Variants in TIPARP observed in about 807,000 individuals in gnomAD.
TIPARP encodes the protein TCDD inducible poly(ADP-ribose) polymerase.
TIPARP carries 12 observed loss-of-function variants against 56.5 expected under a neutral mutation model. The ratio of observed to expected loss-of-function variants is 0.21; its 90% CI spans 0.14 to 0.34. The LOEUF is 0.34. TIPARP is among the 10% of genes least tolerant of loss of function. TIPARP has a pLI of 1.00. For synonymous variants in TIPARP, 296 were observed against 265.7 expected, an observed-to-expected ratio of 1.11 and a Z score of -1.11; for missense variants, 604 against 781.6, an observed-to-expected ratio of 0.77 and a Z score of 2.71.
chr3:156,678,526 A>C lies in TIPARP; in HGVS notation c.829A>C (p.Lys277Gln). The C allele has an allele frequency of 3.1e-6, 5 of 1,614,228 alleles. No homozygotes were observed. The highest frequency in any genetic ancestry group is 4.2e-6 in the Non-Finnish European group (5 of 1,180,036). ...HWQIKRTTTQ[K>Q]WQSVFNDSQE... Reference sequence around the variant, plus strand: ...GCAGATCAAAAGGACAACTACTCAAAAGTGGCAGAGTGTATTCAATGATTC... The same window carrying C: ...GCAGATCAAAAGGACAACTACTCAACAGTGGCAGAGTGTATTCAATGATTC... Residue 277 changes from lysine (K) to glutamine (Q), a missense_variant, in exon 2 of 6, where the codon AAG becomes CAG. Lys to Gln is a moderately conservative substitution (Grantham distance 53). Around this residue, in one of 4 missense-constraint regions of TIPARP, gnomAD observed 252 missense variants for 303.9 expected, o/e 0.83. Transcript: ENST00000295924.
chr3:156,705,699 A>G lies in TIPARP; in HGVS notation c.*568A>G, dbSNP rs1204740815. 6.6e-6 allele frequency: 1 copy of G among 152,660 alleles called. No homozygotes were observed. The highest frequency in any genetic ancestry group is 1.5e-5 in the Non-Finnish European group (1 of 68,036). 9.5% of individuals were successfully genotyped at this position (152,660 alleles called of 1,614,324 possible). A position where few individuals can be genotyped will look rare whatever the true frequency, so the allele number is the denominator to read the frequency against. On this transcript the variant is annotated 3_prime_UTR_variant, in exon 6 of 6. Coordinates refer to ENST00000295924, the MANE Select transcript of TIPARP (RefSeq NM_015508.5). ...ATCAGCCAACCAGAGAACATCAGTG[A>G]CTTTAACTTCTGCAGAGTTTGCCCC...
chr3:156,681,032 A>G, intron 2 of TIPARP: 2 of 416,662 alleles, frequency 4.8e-6, no homozygotes, highest in Non-Finnish European at 9.6e-6. Context: ...GTAGATAGCT[A>G]AGTGTCAAAA....
chr3:156,689,663 A>G (rs1245111659), intron 2 of TIPARP, among the ~76,000 whole-genome samples: 2 of 152,238 alleles, frequency 1.3e-5, no homozygotes, highest in African/African-American at 2.4e-5. Flanking sequence ...GCCCAAGCCA[A>G]CTTATCCAGT....
intron 4 of TIPARP, among the ~76,000 whole-genome samples, chr3:156,698,626 T>C (rs1722776981): frequency 6.6e-6 from 1 of 152,216 alleles, no homozygotes; most frequent in South Asian, 2.1e-4. Flanking sequence ...TTTCAAACTA[T>C]TACTGCTCAT....
chr3:156,681,776 A>T (rs1722314667), intron 2 of TIPARP, among the ~76,000 whole-genome samples: 1 of 152,144 alleles, frequency 6.6e-6, no homozygotes, highest in Non-Finnish European at 1.5e-5. Context: ...GCTTTTGTAC[A>T]TCTACAAACG....
chr3:156,678,294 T>C lies in TIPARP; in HGVS notation c.597T>C (p.Ile199=). 6.2e-7 allele frequency: 1 copy of C among 1,614,178 alleles called. No homozygotes were observed. Among genetic ancestry groups the C allele is most frequent in the Non-Finnish European group, 8.5e-7 (1 of 1,180,034 alleles). The change falls in exon 2 of 6, where the codon ATT becomes ATC. Residue 199 remains isoleucine (I), a synonymous_variant. Transcript: ENST00000295924. ...FQENSFTIQY[I]LDTSDKLSTE... is the part of the protein sequence containing the mutation. ...AAAACAGTTTTACAATCCAATACATTCTGGACACCAGTGATAAGCTGAGTA... is the reference window on the plus strand; with the variant it reads ...AAAACAGTTTTACAATCCAATACATCCTGGACACCAGTGATAAGCTGAGTA...
chr3:156,675,594 C>G (rs1172713470), intron 1 of TIPARP: 1 of 152,322 alleles, frequency 6.6e-6, no homozygotes, highest in African/African-American at 2.4e-5. Flanking sequence ...CTCAGCTGCA[C>G]TGCGCGGAGT....
At chr3:156,700,642 G>A (rs1214871035) in intron 4 of TIPARP, among the ~76,000 whole-genome samples, 2 of 152,182 alleles carry the variant, frequency 1.3e-5, no homozygotes, top group African/African-American at 4.8e-5. Flanking sequence ...GGGGTTTGGT[G>A]GTTCAGTGCT....
At chr3:156,687,798 T>TGAATCA (rs1722468682) in intron 2 of TIPARP, among the ~76,000 whole-genome samples, 1 of 152,216 alleles carries the variant, frequency 6.6e-6, no homozygotes, top group South Asian at 2.1e-4. Flanking sequence ...TAACGATTTA[T>TGAATCA]GAATCAGACA....
chr3:156,679,597 C>G (rs764210746), intron 2 of TIPARP, among the ~76,000 whole-genome samples: 1 of 152,194 alleles, frequency 6.6e-6, no homozygotes, highest in Non-Finnish European at 1.5e-5. Context: ...GAGAGAAGAA[C>G]ACTTCTGTCC....
At chr3:156,682,252 A>C (rs1271807151) in intron 2 of TIPARP, among the ~76,000 whole-genome samples, 4 of 152,222 alleles carry the variant, frequency 2.6e-5, no homozygotes, top group Non-Finnish European at 5.9e-5. Context: ...TTCTGAATTT[A>C]TTGAAAGAGA....
chr3:156,678,521 C>T lies in TIPARP; in HGVS notation c.824C>T (p.Thr275Ile). Residue 275 changes from threonine to isoleucine, a missense_variant, in exon 2 of 6, where the codon ACT becomes ATT. Around this residue, in one of 4 missense-constraint regions of TIPARP, gnomAD observed 252 missense variants for 303.9 expected, o/e 0.83. Coordinates refer to ENST00000295924, the MANE Select transcript of TIPARP (RefSeq NM_015508.5). ...CATTGGCAGATCAAAAGGACAACTA[C>T]TCAAAAGTGGCAGAGTGTATTCAAT... ...PYHWQIKRTTTQKWQSVFNDS... is the reference protein window; with the variant it reads ...PYHWQIKRTTIQKWQSVFNDS... 6.2e-7 allele frequency: 1 copy of T among 1,614,190 alleles called. No individual in the cohort carries two copies. Among genetic ancestry groups the T allele is most frequent in the Non-Finnish European group, 8.5e-7 (1 of 1,180,028 alleles).
At chr3:156,685,073 G>C (rs1028026389) in intron 2 of TIPARP, among the ~76,000 whole-genome samples, 1 of 152,188 alleles carries the variant, frequency 6.6e-6, no homozygotes, top group Admixed American at 6.5e-5. Context: ...CAGTATTGCA[G>C]ACTTGAGCTA....
intron 2 of TIPARP, among the ~76,000 whole-genome samples, chr3:156,690,726 A>G (rs1474754939): frequency 6.6e-6 from 1 of 152,142 alleles, no homozygotes; most frequent in Non-Finnish European, 1.5e-5. Flanking sequence ...TAGCCATCTG[A>G]TACAAATAGC....
intron 4 of TIPARP, 34 bp downstream of exon 4, chr3:156,696,059 C>G: frequency 6.3e-7 from 1 of 1,589,706 alleles, no homozygotes; most frequent in Non-Finnish European, 8.5e-7. Flanking sequence ...AATATTTACT[C>G]TCATTTTATG....
Position 156,689,548 on chromosome 3 carries a change from A to T in TIPARP, c.918-4472A>T, listed in dbSNP as rs140600945. Among the ~76,000 whole-genome samples the T allele has an allele frequency of 6.6e-4, 101 of 152,354 alleles. 1 individual carries two copies. The highest frequency in any genetic ancestry group is 2.1e-3 in the African/African-American group (86 of 41,588). ...TACCACTACAACTGGAGTGACCTTT[A>T]TAAAGGCAAGTCTGGACTTTGTTGT... On this transcript the variant is annotated intron_variant, in intron 2 of 5. Transcript: ENST00000295924.
At chr3:156,690,328 G>T (rs912450095) in intron 2 of TIPARP, among the ~76,000 whole-genome samples, 3 of 151,976 alleles carry the variant, frequency 2.0e-5, no homozygotes, top group African/African-American at 7.3e-5. Flanking sequence ...TAAATACTAA[G>T]ATATTAGTAT....
At chr3:156,683,294 TGTAA>T (rs1722349918) in intron 2 of TIPARP, among the ~76,000 whole-genome samples, 1 of 152,282 alleles carries the variant, frequency 6.6e-6, no homozygotes, top group Admixed American at 6.5e-5. Context: ...TACTTTTTAT[TGTAA>T]GTAAGAAAAA....
intron 3 of TIPARP, among the ~76,000 whole-genome samples, chr3:156,694,888 A>G (rs1460869960): frequency 1.3e-5 from 2 of 152,194 alleles, no homozygotes; most frequent in Non-Finnish European, 2.9e-5. Context: ...AAAAGGGGGG[A>G]ACAACTTATC....
Sources: gnomAD v4.1 joint callset for allele counts (sites outside exome capture counted in the v4.1 genomes callset) on GRCh38, gnomAD v4.1.1 for gene constraint, gnomAD v4.1.1 regional missense constraint, MANE v1.5 for transcripts, NCBI Gene and HGNC (gene_info 2026-07-23, HGNC 2026-07-21) for gene names.